The following BMPR2 variants were observed in gnomAD, a reference collection of about 807,000 sequenced individuals.
The protein encoded by BMPR2 is bone morphogenetic protein receptor type 2.
A neutral mutation model predicts 100.8 loss-of-function variants in BMPR2; 29 were observed. The observed-to-expected ratio is 0.29, with a 90% CI of 0.21 to 0.39. BMPR2 has a LOEUF of 0.39. BMPR2 is among the 10% of genes least tolerant of loss of function. The pLI is 1.00. For missense variants in BMPR2, 1,011 were observed against 1,274.5 expected (o/e 0.79, Z 3.15); for synonymous variants, 382 against 442.3 (o/e 0.86, Z 1.71).
intron 1 of BMPR2, among the ~76,000 whole-genome samples, chr2:202,398,884 T>G (rs993667794): frequency 6.6e-6 from 1 of 152,136 alleles, no homozygotes; most frequent in Admixed American, 6.5e-5. Flanking sequence ...ATCCCAGCAC[T>G]TTGGGAGGCC....
At chr2:202,519,957 T>C (rs1687790758) in intron 6 of BMPR2, 130 bp from the exon 7 acceptor site, 4 of 669,334 alleles carry the variant, frequency 6.0e-6, no homozygotes, top group Non-Finnish European at 1.1e-5. Context: ...TTCTGAAATG[T>C]AGTAGTTCAT....
intron 5 of BMPR2, among the ~76,000 whole-genome samples, 182 bp downstream of exon 5, chr2:202,515,161 C>T (rs1687690699): frequency 6.6e-6 from 1 of 152,020 alleles, no homozygotes; most frequent in South Asian, 2.1e-4. Context: ...CCTGGGGCTT[C>T]TATTTGAATT....
At position 202,495,298 on chromosome 2, in the gene BMPR2, A is replaced by C. The variant is rs1237667814; in HGVS notation, c.419-18421A>C. The stretch of plus-strand genomic sequence containing the variant: ...GCTCTCAGCAGATGGGGGAACCAGA[A>C]GGGAGATGGTTTTCTCCTGGAGTTG... On this transcript the variant is annotated intron_variant, in intron 3 of 12. Coordinates refer to ENST00000374580, the MANE Select transcript of BMPR2 (RefSeq NM_001204.7). The surrounding 1 kb of genome is among the most constrained non-coding windows in gnomAD (Gnocchi z 4.5). Among the ~76,000 whole-genome samples the C allele has an allele frequency of 6.6e-6, 1 of 152,182 alleles. No homozygotes were observed. Among genetic ancestry groups the C allele is most frequent in the Non-Finnish European group, 1.5e-5 (1 of 68,026 alleles).
intron 5 of BMPR2, among the ~76,000 whole-genome samples, chr2:202,518,127 CTTTTTTTTTT>C (rs35869694): frequency 1.4e-4 from 11 of 77,018 alleles, no homozygotes; most frequent in African/African-American, 2.7e-4. Context: ...CGCCTGGCCT[CTTTTTTTTTT>C]TTTTTTTTTT....
chr2:202,549,146 GT>G lies in BMPR2; in HGVS notation c.1414-3565del, dbSNP rs1469039487. Among the ~76,000 whole-genome samples, 4 of 151,970 alleles carry G rather than the reference GT, an allele frequency of 2.6e-5. No individual in the cohort carries two copies. In the East Asian group the frequency reaches 5.8e-4, roughly 22 times the overall value. On this transcript the variant is annotated intron_variant, in intron 10 of 12. Coordinates refer to ENST00000374580, the MANE Select transcript of BMPR2 (RefSeq NM_001204.7). ...ATAAATGGAATCATATAAATGTACT[GT>G]TTTTCTGGCTTCTTTCAGTATGATT...
At chr2:202,483,480 G>T (rs187348651) in intron 3 of BMPR2, among the ~76,000 whole-genome samples, 2 of 141,490 alleles carry the variant, frequency 1.4e-5, no homozygotes, top group Admixed American at 7.0e-5. Flanking sequence ...CCCCCACCCC[G>T]CCTACCCGCC....
intron 1 of BMPR2, among the ~76,000 whole-genome samples, chr2:202,430,790 T>G (rs1691487121): frequency 6.7e-6 from 1 of 150,010 alleles, no homozygotes; most frequent in East Asian, 1.9e-4. Flanking sequence ...AGAAACCCTA[T>G]CTCTACTAAA....
chr2:202,515,787 G>A (rs538509148), intron 5 of BMPR2, among the ~76,000 whole-genome samples: 206 of 152,208 alleles, frequency 1.4e-3, no homozygotes, highest in African/African-American at 4.4e-3. Context: ...TGCTTGGGAG[G>A]CTGAGGCTAG....
intron 1 of BMPR2, among the ~76,000 whole-genome samples, chr2:202,388,057 T>A (rs1690466223): frequency 6.6e-6 from 1 of 152,102 alleles, no homozygotes; most frequent in Non-Finnish European, 1.5e-5. Flanking sequence ...ATAAATTCAG[T>A]TTAGTCTTTC....
chr2:202,397,656 G>A (rs778367458), intron 1 of BMPR2, among the ~76,000 whole-genome samples: 20 of 151,352 alleles, frequency 1.3e-4, no homozygotes, highest in Admixed American at 5.3e-4. Flanking sequence ...ATGCCACCAC[G>A]CCCACCTAAT....
At chr2:202,520,916 A>G (rs993365514) in intron 7 of BMPR2, 1 of 153,968 alleles carries the variant, frequency 6.5e-6, no homozygotes, top group African/African-American at 2.4e-5. Context: ...AGGCTATAGG[A>G]AAAGGCTGAA....
chr2:202,499,989 C>A (rs899403635), intron 3 of BMPR2, among the ~76,000 whole-genome samples: 1 of 152,200 alleles, frequency 6.6e-6, no homozygotes, highest in African/African-American at 2.4e-5. Flanking sequence ...GCCCCCTCAT[C>A]CATGTCCACT....
chr2:202,431,299 A>G (rs1195093046), intron 1 of BMPR2, among the ~76,000 whole-genome samples: 1 of 150,636 alleles, frequency 6.6e-6, no homozygotes, highest in Non-Finnish European at 1.5e-5. Context: ...TAAAAATAAG[A>G]CACATGTTTT....
chr2:202,439,223 A>G (rs1006982949), intron 1 of BMPR2, among the ~76,000 whole-genome samples: 6 of 149,932 alleles, frequency 4.0e-5, no homozygotes, highest in Non-Finnish European at 7.4e-5. Flanking sequence ...TTTTGATGCT[A>G]TTATGAATGG....
At chr2:202,410,567 A>T (rs1209049583) in intron 1 of BMPR2, among the ~76,000 whole-genome samples, 1 of 152,102 alleles carries the variant, frequency 6.6e-6, no homozygotes, top group Non-Finnish European at 1.5e-5. Context: ...GGGAGAAAGG[A>T]CAGCCTATCT....
chr2:202,535,940 G>A (rs1245797203), intron 9 of BMPR2, among the ~76,000 whole-genome samples: 1 of 151,758 alleles, frequency 6.6e-6, no homozygotes, highest in African/African-American at 2.4e-5. Flanking sequence ...CAGGCGTGGC[G>A]GCGCGTGCCT....
chr2:202,393,932 A>C (rs867422988), intron 1 of BMPR2, among the ~76,000 whole-genome samples: 3 of 122,912 alleles, frequency 2.4e-5, no homozygotes, highest in African/African-American at 9.7e-5. Context: ...AGAGAGAGAG[A>C]GATTCCTGTG....
chr2:202,419,580 C>CCAGGA (rs1394594328), intron 1 of BMPR2, among the ~76,000 whole-genome samples: 1 of 152,106 alleles, frequency 6.6e-6, no homozygotes, highest in African/African-American at 2.4e-5. Flanking sequence ...TGGTCTTGAA[C>CCAGGA]TCCTGACCTT....
At chr2:202,449,483 G>A (rs760635622) in intron 1 of BMPR2, among the ~76,000 whole-genome samples, 3 of 152,072 alleles carry the variant, frequency 2.0e-5, no homozygotes, top group Non-Finnish European at 2.9e-5. Context: ...GGTTTACTAT[G>A]CCTAAAGTGT....
Sources: allele counts gnomAD v4.1 joint callset (sites outside exome capture counted in the v4.1 genomes callset), GRCh38; gene constraint gnomAD v4.1.1; non-coding constraint Gnocchi (gnomAD v3.1); transcripts MANE v1.5; gene names NCBI Gene and HGNC (gene_info 2026-07-23, HGNC 2026-07-21).